Variants in PACRG observed in about 807,000 individuals in gnomAD.
PACRG encodes the protein parkin coregulated gene protein.
In PACRG, 29 loss-of-function variants were observed where a neutral mutation model predicts 29.7. The ratio of observed to expected loss-of-function variants is 0.98; its 90% confidence interval spans 0.73 to 1.33. PACRG has a LOEUF of 1.33. PACRG is among the 40% of genes most tolerant of loss of function. The pLI is 0.00. For synonymous variants in PACRG, 116 were observed against 118.7 expected, an observed-to-expected ratio of 0.98 and a Z score of 0.15; for missense variants, 279 against 316.2, an observed-to-expected ratio of 0.88 and a Z score of 0.89.
At chr6:162,733,604 CAG>C (rs1489747592) in intron 1 of PACRG, among the ~76,000 whole-genome samples, 1 of 152,166 alleles carries the variant, frequency 6.6e-6, no homozygotes, top group Non-Finnish European at 1.5e-5. Context: ...CTGCCTCACT[CAG>C]AGTAAAAGCT....
intron 2 of PACRG, among the ~76,000 whole-genome samples, chr6:163,020,681 A>C (rs1329782714): frequency 1.3e-5 from 2 of 152,118 alleles, no homozygotes; most frequent in African/African-American, 4.8e-5. Context: ...TTACTAAGGA[A>C]TGACAGATCA....
chr6:162,953,662 G>A (rs1484938533), intron 2 of PACRG, among the ~76,000 whole-genome samples: 2 of 152,068 alleles, frequency 1.3e-5, no homozygotes, highest in Non-Finnish European at 2.9e-5. Context: ...GACTGACAGA[G>A]CTTGCTGTCC....
At chr6:162,791,306 TGTTTG>T (rs1562600214) in intron 1 of PACRG, among the ~76,000 whole-genome samples, 2 of 114,206 alleles carry the variant, frequency 1.8e-5, no homozygotes, top group African/African-American at 7.5e-5. Flanking sequence ...CTAGTTTGTT[TGTTTG>T]TTTTTTTTTT....
chr6:162,880,265 A>G lies in PACRG; in HGVS notation c.291+65984A>G, dbSNP rs76522232. On this transcript the variant is annotated intron_variant, in intron 2 of 4. Coordinates refer to ENST00000366888, the MANE Select transcript of PACRG (RefSeq NM_001080379.2). ...CAAACATTTATTTAACATCTGTCAC[A>G]TAAAAGACTGTTGCTTACTTGGGAA... Among the ~76,000 whole-genome samples, 1,520 of 152,344 alleles carry G rather than the reference A, an allele frequency of 1.0e-2. 21 individuals are homozygous for G. The highest frequency in any genetic ancestry group is 0.035 in the African/African-American group (1,437 of 41,578).
chr6:162,959,210 T>C (rs949989253), intron 2 of PACRG, among the ~76,000 whole-genome samples: 2 of 151,870 alleles, frequency 1.3e-5, no homozygotes, highest in Admixed American at 6.6e-5. Context: ...TTAGCCACCG[T>C]GCCTGGCCAA....
intron 4 of PACRG, among the ~76,000 whole-genome samples, chr6:163,098,697 G>T (rs1814822663): frequency 6.6e-6 from 1 of 152,198 alleles, no homozygotes; most frequent in Non-Finnish European, 1.5e-5. Context: ...TAAAGTGAAA[G>T]CAAGTTTATT....
intron 4 of PACRG, among the ~76,000 whole-genome samples, chr6:163,126,724 A>T (rs1295993229): frequency 6.6e-6 from 1 of 152,252 alleles, no homozygotes; most frequent in Non-Finnish European, 1.5e-5. Context: ...TTTAAAAATA[A>T]AAACCCAGAA....
At chr6:162,778,375 G>A (rs559633011) in intron 1 of PACRG, among the ~76,000 whole-genome samples, 1 of 152,156 alleles carries the variant, frequency 6.6e-6, no homozygotes, top group South Asian at 2.1e-4. Context: ...AAGAGGTATT[G>A]CCTTGTTTTT....
At chr6:163,260,315 T>A (rs1450607573) in intron 4 of PACRG, among the ~76,000 whole-genome samples, 1 of 152,132 alleles carries the variant, frequency 6.6e-6, no homozygotes, top group Non-Finnish European at 1.5e-5. Flanking sequence ...TCTCTTCAGC[T>A]CCCACGTTGG....
At chr6:163,148,550 GGCATCTCA>G (rs948149710) in intron 4 of PACRG, among the ~76,000 whole-genome samples, 11 of 152,182 alleles carry the variant, frequency 7.2e-5, no homozygotes, top group Middle Eastern at 6.8e-3. Context: ...ACAGGACAAT[GGCATCTCA>G]ACATCCATAC....
rs117467103 is a variant in PACRG at position 162,973,335 on chromosome 6, T to C, written c.292-88815T>C. On this transcript the variant is annotated intron_variant, in intron 2 of 4. Transcript: ENST00000366888. The stretch of plus-strand genomic sequence containing the variant: ...CACTGCTGACTTGAAAGCCAGACGA[T>C]GTGAAAGTCTGTTGCAAGTGTAATG... Among the ~76,000 whole-genome samples, 19 of 152,340 alleles carry C rather than the reference T, an allele frequency of 1.2e-4. No individual in the cohort carries two copies. The East Asian group carries it at 2.9e-3, about 23-fold the overall frequency.
Position 162,964,141 on chromosome 6 carries a change from CAG to C in PACRG, c.292-98008_292-98007del, listed in dbSNP as rs377674177. Reference sequence around the variant, plus strand: ...GAAAGCAGAAGCAGATAATGGATTACAGTGGCTGAAATCCTGAATGTAGAGTC... The same window carrying C: ...GAAAGCAGAAGCAGATAATGGATTACTGGCTGAAATCCTGAATGTAGAGTC... On this transcript the variant is annotated intron_variant, in intron 2 of 4. Transcript: ENST00000366888. Among the ~76,000 whole-genome samples, 34 of 152,302 alleles carry C rather than the reference CAG, an allele frequency of 2.2e-4. No homozygotes were observed. The East Asian group carries it at 6.6e-3, about 29-fold the overall frequency.
chr6:163,288,185 T>C lies in PACRG; in HGVS notation c.614-26642T>C, dbSNP rs1245517633. Reference sequence around the variant, plus strand: ...ATGCGCTTGAAATGCCAAGCACTAATGGTGTTTGAAGTGGGGCTGGCGTCT... The same window carrying C: ...ATGCGCTTGAAATGCCAAGCACTAACGGTGTTTGAAGTGGGGCTGGCGTCT... On this transcript the variant is annotated intron_variant, in intron 4 of 4. Coordinates refer to ENST00000366888, the MANE Select transcript of PACRG (RefSeq NM_001080379.2). 3.9e-5 allele frequency among the ~76,000 whole-genome samples: 6 copies of C among 152,326 alleles called. No individual in the cohort carries two copies. In the East Asian group the frequency reaches 7.7e-4, roughly 20 times the overall value.
intron 2 of PACRG, among the ~76,000 whole-genome samples, chr6:163,039,962 C>A (rs1223081562): frequency 6.6e-6 from 1 of 152,154 alleles, no homozygotes; most frequent in Non-Finnish European, 1.5e-5. Flanking sequence ...TAATGAGATG[C>A]CAAATGTTAA....
chr6:163,018,031 G>A lies in PACRG; in HGVS notation c.292-44119G>A, dbSNP rs981204370. 1.3e-5 allele frequency among the ~76,000 whole-genome samples: 2 copies of A among 152,118 alleles called. 1 individual carries two copies. On this transcript the variant is annotated intron_variant, in intron 2 of 4. Coordinates refer to ENST00000366888, the MANE Select transcript of PACRG (RefSeq NM_001080379.2). Reference sequence around the variant, plus strand: ...CCAGTGTGTTTATGTCACTGTGTGTGTATGTGTGTGTGTTTATTTTTATCC... The same window carrying A: ...CCAGTGTGTTTATGTCACTGTGTGTATATGTGTGTGTGTTTATTTTTATCC...
intron 4 of PACRG, among the ~76,000 whole-genome samples, chr6:163,221,172 C>T (rs767690002): frequency 1.3e-5 from 2 of 152,136 alleles, no homozygotes; most frequent in Non-Finnish European, 2.9e-5. Flanking sequence ...AAGTAAATGG[C>T]ACATGATAAA....
At chr6:163,279,986 G>A (rs1784175206) in intron 4 of PACRG, among the ~76,000 whole-genome samples, 1 of 152,200 alleles carries the variant, frequency 6.6e-6, no homozygotes, top group South Asian at 2.1e-4. Flanking sequence ...TCTGTCCTGA[G>A]GTTCATCCTT....
At chr6:162,967,846 T>C (rs968465313) in intron 2 of PACRG, among the ~76,000 whole-genome samples, 2 of 152,210 alleles carry the variant, frequency 1.3e-5, no homozygotes, top group African/African-American at 4.8e-5. Flanking sequence ...ACAGCACAAA[T>C]ATGTTCTTCA....
intron 4 of PACRG, among the ~76,000 whole-genome samples, chr6:163,100,438 C>T (rs1815000469): frequency 1.3e-5 from 2 of 152,196 alleles, no homozygotes; most frequent in Admixed American, 6.5e-5. Context: ...GGGACACCTT[C>T]AGGCTGCTCG....
Sources: gnomAD v4.1 joint callset for allele counts (sites outside exome capture counted in the v4.1 genomes callset) on GRCh38, gnomAD v4.1.1 for gene constraint, MANE v1.5 for transcripts, NCBI Gene and HGNC (gene_info 2026-07-23, HGNC 2026-07-21) for gene names.